PPHLN1: variants seen among roughly 807,000 people sequenced by gnomAD.
PPHLN1 encodes periphilin-1.
In PPHLN1, 29 loss-of-function variants were observed where a neutral mutation model predicts 51.3. The ratio of observed to expected loss-of-function variants is 0.57; its 90% CI spans 0.42 to 0.77. PPHLN1 has a LOEUF of 0.77. Among genes scored for constraint, PPHLN1 ranks in the 30% least tolerant of loss-of-function variants. The probability of loss-of-function intolerance (pLI) is 0.00; values close to 1 mark genes in which losing one functional copy is unlikely to be tolerated. For synonymous variants in PPHLN1, 147 were observed against 147.8 expected (o/e 0.99, Z 0.04); for missense variants, 436 against 438.4 (o/e 0.99, Z 0.05).
chr12:42,432,163 C>A (rs1430119229), intron 9 of PPHLN1: 6 of 900,484 alleles, frequency 6.7e-6, no homozygotes, highest in Non-Finnish European at 1.1e-5. Flanking sequence ...TCATCTTCTT[C>A]AATGACCAAT....
chr12:42,358,931 C>T (rs1422165977), intron 4 of PPHLN1, among the ~76,000 whole-genome samples: 2 of 151,796 alleles, frequency 1.3e-5, no homozygotes, highest in African/African-American at 2.4e-5. Flanking sequence ...GTCAGTTTGC[C>T]TGCTAAAAAT....
chr12:42,357,298 A>G (rs1223793043), intron 4 of PPHLN1, among the ~76,000 whole-genome samples: 1 of 152,186 alleles, frequency 6.6e-6, no homozygotes, highest in Non-Finnish European at 1.5e-5. Flanking sequence ...TTTAAGACTA[A>G]TATGAAAGAG....
Position 42,338,369 on chromosome 12 carries a change from A to G in PPHLN1, c.72+2395A>G, listed in dbSNP as rs75612757. Reference sequence around the variant, plus strand: ...GAAAGCAGGTTATTGTATCGATTTAAGATTGTAAGATGAGTAGTGGATCCA... The same window carrying G: ...GAAAGCAGGTTATTGTATCGATTTAGGATTGTAAGATGAGTAGTGGATCCA... On this transcript the variant is annotated intron_variant, in intron 2 of 9. Transcript: ENST00000358314. Among the ~76,000 whole-genome samples, 1,091 of 152,330 alleles carry G rather than the reference A, an allele frequency of 7.2e-3. 42 individuals carry two copies. The East Asian group carries it at 0.09, about 13-fold the overall frequency.
At chr12:42,380,782 A>C (rs1052756397) in intron 5 of PPHLN1, among the ~76,000 whole-genome samples, 16 of 152,202 alleles carry the variant, frequency 1.1e-4, no homozygotes, top group African/African-American at 3.9e-4. Context: ...GATCATGTAT[A>C]TTAGGCAACA....
At chr12:42,329,262 C>T (rs901304130) in intron 1 of PPHLN1, among the ~76,000 whole-genome samples, 2 of 151,904 alleles carry the variant, frequency 1.3e-5, no homozygotes, top group Non-Finnish European at 2.9e-5. Context: ...CCACCGCCCC[C>T]GGCTAATTTT....
intron 1 of PPHLN1, 108 bp from the exon 2 acceptor site, chr12:42,335,775 C>A (rs878906747): frequency 3.3e-4 from 93 of 280,800 alleles, no homozygotes; most frequent in East Asian, 5.0e-4. Context: ...TTTTTTTTCT[C>A]TTAAGATCTC....
intron 9 of PPHLN1, among the ~76,000 whole-genome samples, chr12:42,414,200 T>C (rs1416042331): frequency 6.6e-6 from 1 of 151,614 alleles, no homozygotes; most frequent in Admixed American, 6.6e-5. Context: ...ATGCCCGGCT[T>C]ATTTTTGTAT....
At chr12:42,390,111 T>C (rs1287896889) in intron 7 of PPHLN1, among the ~76,000 whole-genome samples, 1 of 152,208 alleles carries the variant, frequency 6.6e-6, no homozygotes, top group Non-Finnish European at 1.5e-5. Context: ...TTCTGCCTTT[T>C]ATACTTTTTG....
intron 5 of PPHLN1, among the ~76,000 whole-genome samples, chr12:42,376,829 C>CAT (rs1273943205): frequency 2.0e-5 from 3 of 151,964 alleles, no homozygotes; most frequent in Non-Finnish European, 2.9e-5. Flanking sequence ...AAGCCACTTC[C>CAT]ATATATATAT....
downstream of PPHLN1, chr12:42,446,441 C>G (rs1243483930): frequency 1.2e-5 from 16 of 1,331,418 alleles, no homozygotes; most frequent in African/African-American, 1.5e-5. Context: ...TAACATACCC[C>G]CAGTGGGGTT....
chr12:42,431,842 C>T, intron 9 of PPHLN1: 2 of 1,526,490 alleles, frequency 1.3e-6, no homozygotes, highest in Non-Finnish European at 1.8e-6. Context: ...TTTGCCTAGC[C>T]CATTTTCAAT....
At chr12:42,343,967 A>G (rs2071887071) in intron 2 of PPHLN1, 1 of 375,272 alleles carries the variant, frequency 2.7e-6, no homozygotes. Flanking sequence ...TAGGGATCAG[A>G]GTTAGGAAAT....
At chr12:42,329,373 G>A (rs1053865352) in intron 1 of PPHLN1, among the ~76,000 whole-genome samples, 1 of 152,046 alleles carries the variant, frequency 6.6e-6, no homozygotes, top group Non-Finnish European at 1.5e-5. Context: ...CCAAAGTGCT[G>A]GGATTACAAG....
At chr12:42,375,147 T>A in intron 5 of PPHLN1, 73 bp downstream of exon 5, 1 of 1,187,406 alleles carries the variant, frequency 8.4e-7, no homozygotes, top group Non-Finnish European at 1.2e-6. Flanking sequence ...CAGATTTCCT[T>A]CTAGGTGTAA....
chr12:42,400,301 T>C (rs866196536), intron 9 of PPHLN1: 1 of 151,328 alleles, frequency 6.6e-6, no homozygotes, highest in Non-Finnish European at 1.5e-5. Flanking sequence ...ACCCCGTCTC[T>C]ACTAAAAATA....
intron 9 of PPHLN1, among the ~76,000 whole-genome samples, chr12:42,411,510 C>CA (rs1290728704): frequency 2.0e-5 from 3 of 151,938 alleles, no homozygotes; most frequent in East Asian, 3.9e-4. Context: ...GAAATGATAA[C>CA]AAAAAACAAA....
chr12:42,432,687 C>T (rs547391382), intron 9 of PPHLN1, among the ~76,000 whole-genome samples: 14 of 152,288 alleles, frequency 9.2e-5, no homozygotes, highest in African/African-American at 3.4e-4. Context: ...GCGGTAACTC[C>T]AGGAACCTTC....
chr12:42,335,037 A>C (rs1000660192), intron 1 of PPHLN1, among the ~76,000 whole-genome samples: 1 of 152,106 alleles, frequency 6.6e-6, no homozygotes, highest in Non-Finnish European at 1.5e-5. Context: ...ATTTCATATA[A>C]ATGGTCTCTT....
At chr12:42,379,272 T>C (rs537475971) in intron 5 of PPHLN1, among the ~76,000 whole-genome samples, 1 of 152,164 alleles carries the variant, frequency 6.6e-6, no homozygotes, top group South Asian at 2.1e-4. Context: ...TTGATAAATT[T>C]ACTAAATCAC....
Sources: gnomAD v4.1 joint callset for allele counts (sites outside exome capture counted in the v4.1 genomes callset) on GRCh38, gnomAD v4.1.1 for gene constraint, MANE v1.5 for transcripts, NCBI Gene and HGNC (gene_info 2026-07-23, HGNC 2026-07-21) for gene names.